The following CFAP20DC variants were observed in gnomAD, a reference collection of about 807,000 sequenced individuals.
CFAP20DC encodes protein CFAP20DC.
Under a neutral mutation model 101.7 loss-of-function variants are expected in CFAP20DC, and 84 were observed. The ratio of observed to expected loss-of-function variants is 0.83; its 90% CI spans 0.69 to 0.99. CFAP20DC has a LOEUF of 0.99. Ranked by LOEUF, CFAP20DC falls within the 50% of genes least tolerant of loss-of-function variation. The pLI is 0.00. For missense variants in CFAP20DC, 1,007 were observed against 970.3 expected, an observed-to-expected ratio of 1.04 and a Z score of -0.50; for synonymous variants, 359 against 351.2, an observed-to-expected ratio of 1.02 and a Z score of -0.25.
At chr3:59,028,530 A>G (rs186835932) in intron 4 of CFAP20DC, among the ~76,000 whole-genome samples, 2 of 152,334 alleles carry the variant, frequency 1.3e-5, no homozygotes, top group African/African-American at 4.8e-5. Flanking sequence ...TATTTACTAT[A>G]TATCTACTAC....
intron 6 of CFAP20DC, among the ~76,000 whole-genome samples, chr3:58,896,788 G>A (rs1311943264): frequency 6.6e-6 from 1 of 152,102 alleles, no homozygotes; most frequent in Non-Finnish European, 1.5e-5. Flanking sequence ...TTGCTTAGGA[G>A]TGTTTTACTT....
At chr3:59,000,477 A>C (rs1023709708) in intron 4 of CFAP20DC, among the ~76,000 whole-genome samples, 2 of 152,238 alleles carry the variant, frequency 1.3e-5, no homozygotes, top group Admixed American at 6.5e-5. Context: ...TAAAGGAAAC[A>C]ATAACCTGAT....
intron 16 of CFAP20DC, among the ~76,000 whole-genome samples, chr3:58,752,215 G>C (rs569212404): frequency 8.5e-4 from 130 of 152,212 alleles, no homozygotes; most frequent in African/African-American, 3.1e-3. Context: ...TATCAGAAAA[G>C]GGGAAGATGA....
At chr3:58,867,355 A>G (rs1453317789) in intron 10 of CFAP20DC, among the ~76,000 whole-genome samples, 1 of 152,196 alleles carries the variant, frequency 6.6e-6, no homozygotes, top group Non-Finnish European at 1.5e-5. Context: ...TACCAGTTGC[A>G]AAGAGTTTAA....
At chr3:58,747,995 T>G (rs562993528) in intron 16 of CFAP20DC, among the ~76,000 whole-genome samples, 1 of 152,214 alleles carries the variant, frequency 6.6e-6, no homozygotes, top group African/African-American at 2.4e-5. Flanking sequence ...ATTTGGGCAA[T>G]AGGTACATTA....
At chr3:58,951,210 C>A (rs1214430282) in intron 4 of CFAP20DC, among the ~76,000 whole-genome samples, 1 of 152,268 alleles carries the variant, frequency 6.6e-6, no homozygotes, top group African/African-American at 2.4e-5. Flanking sequence ...CAATGAGATA[C>A]CATCTCACAC....
chr3:58,863,789 C>T lies in CFAP20DC; in HGVS notation c.1362G>A (p.Trp454Ter), dbSNP rs755840434. ...GTTCACTCTCTTTGCTGGCTTCCAGCCACAGGTGTGATGGGTTGCAGGAGT... is the reference window on the plus strand; with the variant it reads ...GTTCACTCTCTTTGCTGGCTTCCAGTCACAGGTGTGATGGGTTGCAGGAGT... ...GDDSCNPSHLWLEASKESEHD... is the reference protein window; with the variant it reads ...GDDSCNPSHL The change falls in exon 12 of 17, where the codon TGG (tryptophan) becomes TGA (stop). Residue 454 changes from tryptophan (W) to a stop codon, truncating the protein, a stop_gained. Coordinates refer to ENST00000482387, the MANE Select transcript of CFAP20DC (RefSeq NM_001394063.1). LOFTEE classifies it high-confidence loss of function. This position sits in a 1 kb window ranked among gnomAD's most constrained non-coding sequence, Gnocchi z 5.9. 2 of 1,614,188 alleles carry T rather than the reference C, an allele frequency of 1.2e-6. No homozygotes were observed. The highest frequency in any genetic ancestry group is 3.3e-5 in the Admixed American group (2 of 60,030).
intron 14 of CFAP20DC, among the ~76,000 whole-genome samples, chr3:58,826,958 T>C (rs1437184481): frequency 6.6e-6 from 1 of 152,022 alleles, no homozygotes; most frequent in Non-Finnish European, 1.5e-5. Context: ...CCTTCAGAAA[T>C]AAGCAAAAGG....
At chr3:58,718,774 C>T (rs988211549) in intron 3 of CFAP20DC, among the ~76,000 whole-genome samples, 1 of 152,186 alleles carries the variant, frequency 6.6e-6, no homozygotes, top group Non-Finnish European at 1.5e-5. Context: ...ATATCCTGGT[C>T]CAATTGGCCT....
chr3:59,027,686 A>T (rs1458439480), intron 4 of CFAP20DC, among the ~76,000 whole-genome samples: 1 of 152,194 alleles, frequency 6.6e-6, no homozygotes, highest in African/African-American at 2.4e-5. Context: ...GATTGGCAGC[A>T]TCAAATAAGG....
chr3:58,860,398 C>A (rs1027448385), intron 12 of CFAP20DC, among the ~76,000 whole-genome samples: 1 of 152,114 alleles, frequency 6.6e-6, no homozygotes, highest in African/African-American at 2.4e-5. Context: ...GTATATTTAT[C>A]CTTTGCAGGC....
intron 15 of CFAP20DC, among the ~76,000 whole-genome samples, chr3:58,783,999 C>T (rs569326613): frequency 6.6e-6 from 1 of 151,838 alleles, no homozygotes; most frequent in South Asian, 2.1e-4. Flanking sequence ...CCCTTGCCTC[C>T]TTCCCTCCCT....
chr3:58,938,005 C>T (rs1023771515), intron 4 of CFAP20DC, among the ~76,000 whole-genome samples: 4 of 152,212 alleles, frequency 2.6e-5, no homozygotes, highest in African/African-American at 7.2e-5. Context: ...GTACTCTACA[C>T]TAGATTTCCA....
At chr3:59,020,628 T>C (rs922466832) in intron 4 of CFAP20DC, among the ~76,000 whole-genome samples, 2 of 152,102 alleles carry the variant, frequency 1.3e-5, no homozygotes, top group Non-Finnish European at 2.9e-5. Context: ...GGAGATTGAA[T>C]ACATCTCTGC....
At chr3:58,877,227 T>A (rs1447771412) in intron 7 of CFAP20DC, among the ~76,000 whole-genome samples, 13 of 152,210 alleles carry the variant, frequency 8.5e-5, no homozygotes, top group Non-Finnish European at 7.3e-5. Context: ...TAGTCGGGCA[T>A]GTATTGCTCT....
intron 4 of CFAP20DC, among the ~76,000 whole-genome samples, chr3:58,943,491 A>G (rs2088916442): frequency 6.6e-6 from 1 of 152,186 alleles, no homozygotes; most frequent in Admixed American, 6.5e-5. Context: ...CCTGACTGTT[A>G]GCAAAAAACT....
intron 16 of CFAP20DC, among the ~76,000 whole-genome samples, chr3:58,744,690 T>C (rs938581844): frequency 6.6e-6 from 1 of 151,102 alleles, no homozygotes; most frequent in Non-Finnish European, 1.5e-5. Flanking sequence ...GGCATAGGAG[T>C]GAGAAGTTAA....
intron 15 of CFAP20DC, among the ~76,000 whole-genome samples, chr3:58,757,457 T>A (rs766297470): frequency 3.7e-4 from 56 of 151,276 alleles, no homozygotes; most frequent in Non-Finnish European, 1.3e-4. Flanking sequence ...AGATTTTTTA[T>A]CTTTCCCTCA....
intron 3 of CFAP20DC, among the ~76,000 whole-genome samples, chr3:58,718,924 T>C (rs933149022): frequency 3.3e-5 from 5 of 152,082 alleles, no homozygotes; most frequent in Non-Finnish European, 4.4e-5. Flanking sequence ...AAGATGATAG[T>C]AAGGAAAGCC....
Sources: gnomAD v4.1 joint callset for allele counts (sites outside exome capture counted in the v4.1 genomes callset) on GRCh38, gnomAD v4.1.1 for gene constraint, Gnocchi (gnomAD v3.1) non-coding constraint, MANE v1.5 for transcripts, NCBI Gene and HGNC (gene_info 2026-07-23, HGNC 2026-07-21) for gene names.